STXBP2: variants seen among roughly 807,000 people sequenced by gnomAD.
STXBP2 encodes the protein syntaxin-binding protein 2.
A neutral mutation model predicts 72.2 loss-of-function variants in STXBP2; 47 were observed. That is an observed-to-expected ratio of 0.65 (90% CI 0.51 to 0.83). The LOEUF is 0.83. Ranked by LOEUF, STXBP2 falls within the 40% of genes least tolerant of loss-of-function variation. The pLI, the probability that STXBP2 is intolerant of heterozygous loss-of-function variation, is 0.00. For missense variants in STXBP2, 702 were observed against 807.6 expected, an observed-to-expected ratio of 0.87 and a Z score of 1.58; for synonymous variants, 367 against 338.7, an observed-to-expected ratio of 1.08 and a Z score of -0.92.
Position 7,642,196 on chromosome 19 carries a change from A to T in STXBP2, c.664-7A>T. 1 of 1,613,370 alleles carries T rather than the reference A, an allele frequency of 6.2e-7. No homozygotes were observed. ...GTGCCTCATTCCTGCCCTAAACCCC[A>T]CCCCAGGGCCCAGAGAAAACCCGCT... On this transcript the variant is annotated splice_region_variant and splice_polypyrimidine_tract_variant and intron_variant, in intron 8 of 18. Coordinates refer to ENST00000221283, the MANE Select transcript of STXBP2 (RefSeq NM_006949.4). This position sits in a 1 kb window ranked among gnomAD's most constrained non-coding sequence, Gnocchi z 6.0.
In STXBP2 at chr19:7,641,728, C is replaced by T. The variant is rs1719856733; in HGVS notation, c.453C>T (p.His151=). 2 of 1,553,918 alleles carry T rather than the reference C, an allele frequency of 1.3e-6. No individual in the cohort carries two copies. Among genetic ancestry groups the T allele is most frequent in the Admixed American group, 1.9e-5 (1 of 51,350 alleles). The change falls in exon 7 of 19, where the codon CAC becomes CAT. Residue 151 remains histidine, a synonymous_variant. Transcript: ENST00000221283. ...AGGTGTTCTCCCTCGATGCTCCCCA[C>T]AGCACCTACAACCTCTACTGCCCCT... ...EAQVFSLDAP[H]STYNLYCPFR...
chr19:7,642,404 C>A lies in STXBP2; in HGVS notation c.795-25C>A. 6.2e-7 allele frequency: 1 copy of A among 1,613,850 alleles called. No individual in the cohort carries two copies. Among genetic ancestry groups the A allele is most frequent in the Non-Finnish European group, 8.5e-7 (1 of 1,179,842 alleles). On this transcript the variant is annotated intron_variant, in intron 9 of 18. Transcript: ENST00000221283. The surrounding 1 kb of genome is among the most constrained non-coding windows in gnomAD (Gnocchi z 6.0). ...TCCCCAGTCCTCAGCTCCCCTGACC[C>A]CCAGGCTCCCTCCTTCCTCCCCAGG...
At chr19:7,634,390 T>G (rs143913051), upstream of STXBP2, among the ~76,000 whole-genome samples, 840 of 152,282 alleles carry the variant, frequency 5.5e-3, 5 homozygotes, top group African/African-American at 0.019. Flanking sequence ...TGCCCGAGCC[T>G]CCTCTGTTCC....
rs778509701 is a variant in STXBP2 at position 7,641,008 on chromosome 19, G to T, written c.429+5G>T. The T allele has an allele frequency of 1.1e-5, 17 of 1,613,820 alleles. No homozygotes were observed. In the East Asian group the frequency reaches 3.6e-4, roughly 34 times the overall value. ...TTCCTCCCCTACGAGGCCCAGGTAC[G>T]GCCCGGGCTCATCCTGGGCAGGGGG... On this transcript the variant is annotated splice_donor_5th_base_variant and intron_variant, in intron 6 of 18. Transcript: ENST00000221283.
rs190559638 is a variant in STXBP2 at position 7,641,091 on chromosome 19, G to A, written c.429+88G>A. On this transcript the variant is annotated intron_variant, in intron 6 of 18. Transcript: ENST00000221283. ...TCAGAAACAGACACTGAGGCTGGGC[G>A]CAGTGGCTCATACCTGTAATCCCAG... is the stretch of plus-strand genomic sequence containing the variant. The A allele has an allele frequency of 1.9e-4, 264 of 1,367,838 alleles. 2 individuals are homozygous for A. The highest frequency in any genetic ancestry group is 1.2e-3 in the Middle Eastern group (7 of 5,646). 84.7% of individuals were successfully genotyped at this position (1,367,838 alleles called of 1,614,324 possible).
At chr19:7,641,994 AT>A (rs2031903283) in intron 7 of STXBP2, 39 bp from the exon 8 acceptor site, 1 of 1,609,944 alleles carries the variant, frequency 6.2e-7, no homozygotes, top group Non-Finnish European at 8.5e-7. Flanking sequence ...CCTTGACCCC[AT>A]CCCCTGATGA....
At chr19:7,640,296 G>A (rs1568465098) in intron 4 of STXBP2, 3 of 560,976 alleles carry the variant, frequency 5.3e-6, no homozygotes, top group Admixed American at 2.2e-5. Flanking sequence ...GTGTGCATGT[G>A]TCTATGTATG....
chr19:7,641,959 C>T lies in STXBP2; in HGVS notation c.579-75C>T, dbSNP rs1335603509. ...ACCCCAGCCCCGGCCCTACCCTGGC[C>T]CCTGACTCTCACCTTCAAACCCATC... is the stretch of plus-strand genomic sequence containing the variant. On this transcript the variant is annotated intron_variant, in intron 7 of 18. Transcript: ENST00000221283. The T allele has an allele frequency of 6.8e-6, 11 of 1,608,220 alleles. No homozygotes were observed. In the East Asian group the frequency reaches 2.5e-4, roughly 36 times the overall value.
the STXBP2 span, chr19:7,631,869 C>T: frequency 5.6e-4 from 761 of 1,361,160 alleles, 1 homozygote; most frequent in Middle Eastern, 4.6e-3. Context: ...CCACAGGTGG[C>T]GAACAATGGA....
At chr19:7,636,204 C>T (rs1031417805), upstream of STXBP2, 1 of 152,206 alleles carries the variant, frequency 6.6e-6, no homozygotes, top group African/African-American at 2.4e-5. Context: ...TTGGTACCTT[C>T]ATCAACACGG....
At chr19:7,633,605 G>A, upstream of STXBP2, 3 of 721,798 alleles carry the variant, frequency 4.2e-6, no homozygotes, top group Non-Finnish European at 7.0e-6. Context: ...CCAAGCTTAA[G>A]CCCCATAAAG....
At chr19:7,641,426 G>A (rs1422141660) in intron 6 of STXBP2, among the ~76,000 whole-genome samples, 2 of 152,174 alleles carry the variant, frequency 1.3e-5, no homozygotes, top group African/African-American at 4.8e-5. Context: ...AGTCCAAGGA[G>A]CTCTTGCCTT....
At chr19:7,641,207 GAAAA>G (rs1568466612) in intron 6 of STXBP2, 1 of 644,488 alleles carries the variant, frequency 1.6e-6, no homozygotes, top group Admixed American at 2.4e-5. Flanking sequence ...CTTAAAAAAA[GAAAA>G]AGAAAGAAAT....
chr19:7,644,455 G>T, intron 13 of STXBP2, 159 bp from the exon 14 acceptor site: 1 of 951,012 alleles, frequency 1.1e-6, no homozygotes, highest in Non-Finnish European at 1.6e-6. Flanking sequence ...TGGAGAGACT[G>T]TCCCTGGACA....
Position 7,642,522 on chromosome 19 carries a change from C to G in STXBP2, c.888C>G (p.Ile296Met). The G allele has an allele frequency of 6.2e-7, 1 of 1,614,032 alleles. No homozygotes were observed. The highest frequency in any genetic ancestry group is 8.5e-7 in the Non-Finnish European group (1 of 1,180,014). The change falls in exon 10 of 19, where the codon ATC becomes ATG. Residue 296 changes from isoleucine (I) to methionine (M), a missense_variant. Ile to Met is a conservative substitution (Grantham distance 10). Transcript: ENST00000221283. The surrounding 1 kb of genome is among the most constrained non-coding windows in gnomAD (Gnocchi z 6.0). ...DLWVELRHMH[I>M]ADVSKKVTEL... ...GGGTGGAGCTTCGCCACATGCATAT[C>G]GCAGATGTGTCCAAGTGCGTGCACA...
rs756350869 is a variant in STXBP2, at chr19:7,639,111, G to C, written c.169+11G>C. 31 of 1,613,800 alleles carry C rather than the reference G, an allele frequency of 1.9e-5. No individual in the cohort carries two copies. The highest frequency in any genetic ancestry group is 1.6e-4 in the Middle Eastern group (1 of 6,084). ...CTGAGGGCATCACCAGTGAGTGAAC[G>C]CGTCCCCAGTGAGATGGGACCTGAG... On this transcript the variant is annotated intron_variant, in intron 3 of 18. Coordinates refer to ENST00000221283, the MANE Select transcript of STXBP2 (RefSeq NM_006949.4).
rs750716480 is a variant in STXBP2, at chr19:7,642,371, G to T, written c.794+38G>T. 2 of 1,613,376 alleles carry T rather than the reference G, an allele frequency of 1.2e-6. No individual in the cohort carries two copies. The highest frequency in any genetic ancestry group is 1.7e-6 in the Non-Finnish European group (2 of 1,179,396). The stretch of plus-strand genomic sequence containing the variant: ...GGAACCCGTCCCCACCCTTGCCACT[G>T]ACCTGGTTCCCCAGTCCTCAGCTCC... On this transcript the variant is annotated intron_variant, in intron 9 of 18. Transcript: ENST00000221283. The surrounding 1 kb of genome is among the most constrained non-coding windows in gnomAD (Gnocchi z 6.0).
intron 6 of STXBP2, among the ~76,000 whole-genome samples, chr19:7,641,478 C>T (rs996064267): frequency 2.6e-5 from 4 of 152,178 alleles, no homozygotes; most frequent in African/African-American, 7.2e-5. Flanking sequence ...CAGCGTAGAG[C>T]GCACCGCGGG....
chr19:7,630,801 C>G, the STXBP2 span: 1 of 1,537,248 alleles, frequency 6.5e-7, no homozygotes. Context: ...GCTCGTGTCC[C>G]ATTTGTGACT....
Sources: gnomAD v4.1 joint callset for allele counts (sites outside exome capture counted in the v4.1 genomes callset) on GRCh38, gnomAD v4.1.1 for gene constraint, Gnocchi (gnomAD v3.1) non-coding constraint, MANE v1.5 for transcripts, NCBI Gene and HGNC (gene_info 2026-07-23, HGNC 2026-07-21) for gene names.